The following ANKFN1 variants were observed in gnomAD, a reference collection of about 807,000 sequenced individuals.
The protein encoded by ANKFN1 is ankyrin repeat and fibronectin type III domain containing 1.
Under a neutral mutation model 108.7 loss-of-function variants are expected in ANKFN1, and 74 were observed. That is an observed-to-expected ratio of 0.68 (90% CI 0.56 to 0.83). The LOEUF (loss-of-function observed/expected upper bound fraction) is 0.83, where lower values mean the gene tolerates loss of function less well. ANKFN1 is among the 40% of genes least tolerant of loss of function. The pLI, the probability that ANKFN1 is intolerant of heterozygous loss-of-function variation, is 0.00. For synonymous variants in ANKFN1, 547 were observed against 516.2 expected (o/e 1.06, Z -0.81); for missense variants, 1,505 against 1,382.3 (o/e 1.09, Z -1.41).
chr17:56,315,913 C>G (rs1460976364), intron 3 of ANKFN1, among the ~76,000 whole-genome samples: 1 of 152,186 alleles, frequency 6.6e-6, no homozygotes, highest in East Asian at 1.9e-4. Flanking sequence ...AAAGATGAAT[C>G]AGTCAAGGCT....
At chr17:56,067,868 T>C (rs1224228623) in intron 4 of ANKFN1, among the ~76,000 whole-genome samples, 1 of 152,192 alleles carries the variant, frequency 6.6e-6, no homozygotes, top group Non-Finnish European at 1.5e-5. Context: ...AATACAGTTT[T>C]CCTGGAAAGA....
intron 8 of ANKFN1, among the ~76,000 whole-genome samples, chr17:56,385,690 C>T (rs2144842854): frequency 6.6e-6 from 1 of 152,300 alleles, no homozygotes; most frequent in Admixed American, 6.5e-5. Flanking sequence ...CAAAAGAAGA[C>T]ATTTATGTAG....
At position 56,189,021 on chromosome 17, in the gene ANKFN1, G is replaced by T. The variant is rs542549347; in HGVS notation, c.-70-23577G>T. Among the ~76,000 whole-genome samples the T allele has an allele frequency of 2.6e-5, 4 of 152,048 alleles. No individual in the cohort carries two copies. In the South Asian group the frequency reaches 6.2e-4, roughly 24 times the overall value. ...CTTCTGGGTTGGTGAACACATAGGG[G>T]TACTGGGAGGGTGGTGCATCTCGAG... On this transcript the variant is annotated intron_variant, in intron 1 of 20. Transcript: ENST00000682825.
intron 1 of ANKFN1, among the ~76,000 whole-genome samples, chr17:56,199,794 G>A (rs1382131750): frequency 6.6e-6 from 1 of 152,018 alleles, no homozygotes; most frequent in African/African-American, 2.4e-5. Context: ...GCAATCTTTG[G>A]AACACATTTA....
At chr17:56,402,395 T>A (rs2047790219) in intron 8 of ANKFN1, among the ~76,000 whole-genome samples, 1 of 152,190 alleles carries the variant, frequency 6.6e-6, no homozygotes, top group Admixed American at 6.5e-5. Context: ...GGGTATCTAA[T>A]TCTTCCTGAT....
At chr17:56,476,865 T>C (rs1285925839) in intron 15 of ANKFN1, among the ~76,000 whole-genome samples, 4 of 152,202 alleles carry the variant, frequency 2.6e-5, no homozygotes, top group African/African-American at 9.6e-5. Context: ...AGCCAAAAAA[T>C]AACCAGTGCT....
At chr17:56,358,817 G>T (rs1334717393) in intron 6 of ANKFN1, among the ~76,000 whole-genome samples, 1 of 152,136 alleles carries the variant, frequency 6.6e-6, no homozygotes, top group African/African-American at 2.4e-5. Context: ...TATGACTCAT[G>T]TTCAATTGAA....
chr17:56,238,085 T>A (rs2143976369), intron 3 of ANKFN1, among the ~76,000 whole-genome samples: 1 of 152,280 alleles, frequency 6.6e-6, no homozygotes, highest in East Asian at 1.9e-4. Context: ...ATTGCATGAC[T>A]TTGAGCAATT....
intron 1 of ANKFN1, among the ~76,000 whole-genome samples, chr17:56,159,125 G>A (rs1909401985): frequency 6.6e-6 from 1 of 150,984 alleles, no homozygotes; most frequent in Non-Finnish European, 1.5e-5. Context: ...AGGAAGAAAT[G>A]GGCCAGTTTT....
intron 2 of ANKFN1, among the ~76,000 whole-genome samples, chr17:56,227,451 T>G (rs1916365467): frequency 6.6e-6 from 1 of 152,132 alleles, no homozygotes; most frequent in South Asian, 2.1e-4. Context: ...TCCTAATAAG[T>G]ATGAGTTGAG....
At chr17:56,130,394 G>A in intron 4 of ANKFN1, among the ~76,000 whole-genome samples, 1 of 151,896 alleles carries the variant, frequency 6.6e-6, no homozygotes, top group Non-Finnish European at 1.5e-5. Flanking sequence ...CAGCAAATAG[G>A]TCCATTTAAA....
intron 4 of ANKFN1, among the ~76,000 whole-genome samples, chr17:56,138,872 GAAAC>G (rs1181095637): frequency 2.6e-5 from 4 of 151,928 alleles, no homozygotes; most frequent in Admixed American, 6.6e-5. Flanking sequence ...TATACTCAAT[GAAAC>G]AAACAATATA....
intron 3 of ANKFN1, among the ~76,000 whole-genome samples, chr17:56,293,316 G>A (rs553245250): frequency 6.6e-6 from 1 of 152,104 alleles, no homozygotes; most frequent in Non-Finnish European, 1.5e-5. Context: ...TCCCCATCTT[G>A]TTTTGAATTC....
chr17:56,370,172 T>A (rs1448005610), intron 6 of ANKFN1, among the ~76,000 whole-genome samples: 1 of 152,170 alleles, frequency 6.6e-6, no homozygotes, highest in Non-Finnish European at 1.5e-5. Flanking sequence ...TAAATAATCT[T>A]GCAGAGCTCA....
intron 1 of ANKFN1, among the ~76,000 whole-genome samples, chr17:56,202,029 C>T (rs966958130): frequency 6.6e-6 from 1 of 152,202 alleles, no homozygotes; most frequent in Non-Finnish European, 1.5e-5. Context: ...AGGCAAAGTG[C>T]AAAGGGCAGA....
intron 20 of ANKFN1, among the ~76,000 whole-genome samples, chr17:56,500,762 C>A (rs1278517903): frequency 1.3e-5 from 2 of 152,136 alleles, no homozygotes; most frequent in African/African-American, 2.4e-5. Context: ...TCATTCTTTT[C>A]TTTCTATTTA....
chr17:56,474,134 C>T (rs1485843622), intron 15 of ANKFN1, among the ~76,000 whole-genome samples: 5 of 152,178 alleles, frequency 3.3e-5, no homozygotes, highest in Non-Finnish European at 5.9e-5. Flanking sequence ...TGCACACATT[C>T]TTGATTTCTT....
chr17:56,157,975 C>T (rs1356920605), intron 1 of ANKFN1, among the ~76,000 whole-genome samples: 1 of 152,216 alleles, frequency 6.6e-6, no homozygotes, highest in East Asian at 1.9e-4. Context: ...TCTTGGCACT[C>T]ATAACTTTCC....
intron 3 of ANKFN1, among the ~76,000 whole-genome samples, chr17:56,240,495 A>G (rs551713477): frequency 3.3e-5 from 5 of 152,134 alleles, no homozygotes; most frequent in African/African-American, 1.2e-4. Context: ...AAATACTGCA[A>G]TGATTATCCT....
Sources: allele counts gnomAD v4.1 joint callset (sites outside exome capture counted in the v4.1 genomes callset), GRCh38; gene constraint gnomAD v4.1.1; transcripts MANE v1.5; gene names NCBI Gene and HGNC (gene_info 2026-07-23, HGNC 2026-07-21).